Variants in ERN1 observed in about 807,000 individuals in gnomAD.
ERN1 encodes endoplasmic reticulum to nucleus signaling 1.
Under a neutral mutation model 113.1 loss-of-function variants are expected in ERN1, and 39 were observed. The ratio of observed to expected loss-of-function variants is 0.34; its 90% CI spans 0.27 to 0.45. ERN1 has a LOEUF of 0.45. Ranked by LOEUF, ERN1 falls within the 20% of genes least tolerant of loss-of-function variation. The probability of loss-of-function intolerance (pLI) is 1.00; values close to 1 mark genes in which losing one functional copy is unlikely to be tolerated. For synonymous variants in ERN1, 507 were observed against 515.9 expected (o/e 0.98, Z 0.23); for missense variants, 976 against 1,274.8 (o/e 0.77, Z 3.57).
In ERN1 at chr17:64,075,250, T is replaced by TA. The variant is rs1567871274; in HGVS notation, c.283-4_283-3insT. ...TCTGGGATGGTAAAAGGAAGTTTCT[T>TA]TAAAAAAAAAAAAAAAGAAAAAAAA... is the stretch of plus-strand genomic sequence containing the variant. On this transcript the variant is annotated splice_polypyrimidine_tract_variant and splice_region_variant and intron_variant, in intron 4 of 21. Coordinates refer to ENST00000433197, the MANE Select transcript of ERN1 (RefSeq NM_001433.5). 23 of 1,166,952 alleles carry TA rather than the reference T, an allele frequency of 2.0e-5. No homozygotes were observed. The highest frequency in any genetic ancestry group is 3.9e-5 in the South Asian group (2 of 50,760). The allele number at this position is 1,166,952 out of a possible 1,614,324, so 72.3% of individuals were successfully genotyped here. A position where few individuals can be genotyped will look rare whatever the true frequency, so the allele number is the denominator to read the frequency against.
intron 11 of ERN1, among the ~76,000 whole-genome samples, chr17:64,058,326 T>C (rs547402917): frequency 7.2e-4 from 110 of 152,292 alleles, no homozygotes; most frequent in African/African-American, 2.5e-3. Context: ...GTAGGTTCAG[T>C]ATCCAGGAAA....
chr17:64,039,165 T>C lies in ERN1; in HGVS notation c.*4823A>G, dbSNP rs577224100. 8.5e-5 allele frequency: 13 copies of C among 152,310 alleles called. No homozygotes were observed. Among genetic ancestry groups the C allele is most frequent in the African/African-American group, 2.9e-4 (12 of 41,568 alleles). 9.4% of individuals were successfully genotyped at this position (152,310 alleles called of 1,614,324 possible). A position where few individuals can be genotyped will look rare whatever the true frequency, so the allele number is the denominator to read the frequency against. On this transcript the variant is annotated 3_prime_UTR_variant, in exon 22 of 22. Transcript: ENST00000433197. ...ACTCCAAAATCTAAAACTACCTTTA[T>C]TGTGGTTGGCTCGACATAAGATGCC...
chr17:64,062,801 T>G (rs1913095369), intron 10 of ERN1, among the ~76,000 whole-genome samples: 1 of 152,198 alleles, frequency 6.6e-6, no homozygotes, highest in South Asian at 2.1e-4. Context: ...CAACTACTTC[T>G]GTTAATAAAA....
In ERN1 at chr17:64,063,328, C is replaced by T. The variant is rs992971270; in HGVS notation, c.1087+658G>A. Among the ~76,000 whole-genome samples the T allele has an allele frequency of 2.0e-5, 3 of 152,238 alleles. No individual in the cohort carries two copies. The highest frequency in any genetic ancestry group is 6.5e-5 in the Admixed American group (1 of 15,290). ...ACACAGCTCTTCTCACTTCCGCCTT[C>T]GTTTGTCACACTCACTGCCAACTCA... On this transcript the variant is annotated intron_variant, in intron 10 of 21. Transcript: ENST00000433197. This position sits in a 1 kb window ranked among gnomAD's most constrained non-coding sequence, Gnocchi z 5.1.
chr17:64,112,932 C>T (rs1418179747), intron 1 of ERN1, among the ~76,000 whole-genome samples: 2 of 152,192 alleles, frequency 1.3e-5, no homozygotes, highest in East Asian at 3.8e-4. Context: ...CTGGAGATCA[C>T]AAACTTGGGT....
At chr17:64,059,242 A>G (rs1912975520) in intron 11 of ERN1, among the ~76,000 whole-genome samples, 1 of 152,228 alleles carries the variant, frequency 6.6e-6, no homozygotes, top group African/African-American at 2.4e-5. Context: ...TGGTAAACAG[A>G]TACTGTGCCC....
At chr17:64,089,736 T>C (rs1007792242) in intron 2 of ERN1, among the ~76,000 whole-genome samples, 3 of 151,538 alleles carry the variant, frequency 2.0e-5, no homozygotes, top group African/African-American at 7.3e-5. Flanking sequence ...GGGAAAAGAG[T>C]GTCAGCAAAA....
chr17:64,052,102 A>C (rs1002512631), intron 17 of ERN1, among the ~76,000 whole-genome samples: 3 of 152,246 alleles, frequency 2.0e-5, no homozygotes, highest in African/African-American at 7.2e-5. Context: ...GCTGTGGCTC[A>C]TGTCTGCAAT....
At chr17:64,094,601 C>T (rs531215318) in intron 2 of ERN1, among the ~76,000 whole-genome samples, 10 of 151,746 alleles carry the variant, frequency 6.6e-5, no homozygotes, top group Admixed American at 6.6e-4. Context: ...CCTCCTCTAC[C>T]GTGCCAGGGA....
chr17:64,071,616 T>C (rs80165002), intron 6 of ERN1, among the ~76,000 whole-genome samples: 6,472 of 152,180 alleles, frequency 0.043, 447 homozygotes, highest in African/African-American at 0.15. Context: ...CAGATGGGGT[T>C]TCGCCATGTT....
intron 1 of ERN1, among the ~76,000 whole-genome samples, chr17:64,121,189 C>T (rs1385450289): frequency 6.6e-6 from 1 of 152,170 alleles, no homozygotes; most frequent in East Asian, 1.9e-4. Context: ...CTGTCTCTCT[C>T]CTGTCATCAC....
At chr17:64,127,757 CAAAAA>C (rs775462648) in intron 1 of ERN1, among the ~76,000 whole-genome samples, 7 of 88,002 alleles carry the variant, frequency 8.0e-5, no homozygotes, top group Non-Finnish European at 1.3e-4. Context: ...AACTCCATAT[CAAAAA>C]AAAAAAAAAA....
At chr17:64,119,376 G>GTTGTTTTTTGTTT (rs777806993) in intron 1 of ERN1, among the ~76,000 whole-genome samples, 1 of 77,896 alleles carries the variant, frequency 1.3e-5, no homozygotes, top group African/African-American at 5.6e-5. Flanking sequence ...TTTTTTCTAG[G>GTTGTTTTTTGTTT]TTTTTTTTTT....
In ERN1 at chr17:64,060,563, G is replaced by A. The variant is rs376936066; in HGVS notation, c.1112C>T (p.Ala371Val). Residue 371 changes from alanine to valine, a missense_variant, in exon 11 of 22, where the codon GCG becomes GTG. Physicochemically the swap from Ala to Val is moderately conservative, Grantham distance 64 (BLOSUM62 0). Coordinates refer to ENST00000433197, the MANE Select transcript of ERN1 (RefSeq NM_001433.5). Reference protein sequence around the residue: ...LIGHHETPLSASTKMLERFPN... With the variant: ...LIGHHETPLSVSTKMLERFPN... ...AAATCTCTCCAGCATCTTGGTAGAC[G>A]CAGACAGTGGGGTTTCATGGTGTCC... The A allele has an allele frequency of 1.9e-5, 30 of 1,613,138 alleles. No homozygotes were observed. The highest frequency in any genetic ancestry group is 3.3e-5 in the South Asian group (3 of 91,078).
At chr17:64,057,215 T>C (rs1912898455) in intron 12 of ERN1, among the ~76,000 whole-genome samples, 2 of 152,218 alleles carry the variant, frequency 1.3e-5, no homozygotes. Flanking sequence ...AAAATACAGA[T>C]AACTATTCAA....
chr17:64,049,039 C>T lies in ERN1; in HGVS notation c.2401+16G>A. 1.9e-6 allele frequency: 3 copies of T among 1,570,956 alleles called. No individual in the cohort carries two copies. Among genetic ancestry groups the T allele is most frequent in the Non-Finnish European group, 2.6e-6 (3 of 1,150,562 alleles). On this transcript the variant is annotated intron_variant, in intron 18 of 21. Transcript: ENST00000433197. The surrounding 1 kb of genome is among the most constrained non-coding windows in gnomAD (Gnocchi z 4.7). ...GCTGAGGAGCTGCTCCCAACCCCAA[C>T]CCCTGGACCGCTCACCGTGCTTCTC...
chr17:64,083,857 A>C (rs553713876), intron 2 of ERN1, among the ~76,000 whole-genome samples: 5 of 152,194 alleles, frequency 3.3e-5, no homozygotes, highest in Non-Finnish European at 7.3e-5. Context: ...CACTTCTTTA[A>C]GCTCAAATAA....
Position 64,063,987 on chromosome 17 carries a change from T to C in ERN1, c.1086A>G (p.Ile362Met). ...LNYLRNYWLL[I>M]GHHETPLSAS... ...CTACTGTGGGAGACCTGCTCTTACC[T>C]ATCAGAAGCCAGTAATTCCTCAAGT... The change falls in exon 10 of 22, where the codon ATA becomes ATG. Residue 362 changes from isoleucine (I) to methionine (M), a missense_variant and splice_region_variant. By Grantham distance (10) the Ile-to-Met change is conservative. Coordinates refer to ENST00000433197, the MANE Select transcript of ERN1 (RefSeq NM_001433.5). This position sits in a 1 kb window ranked among gnomAD's most constrained non-coding sequence, Gnocchi z 5.1. 1.2e-6 allele frequency: 2 copies of C among 1,613,784 alleles called. No individual in the cohort carries two copies. The highest frequency in any genetic ancestry group is 1.7e-6 in the Non-Finnish European group (2 of 1,179,790).
rs776930056 is a variant in ERN1 at position 64,045,389 on chromosome 17, G to C, written c.2623C>G (p.Arg875Gly). The C allele has an allele frequency of 6.2e-7, 1 of 1,613,632 alleles. No individual in the cohort carries two copies. Among genetic ancestry groups the C allele is most frequent in the Non-Finnish European group, 8.5e-7 (1 of 1,179,850 alleles). ...GGRAVVKMDW[R>G]ENITVPLQTD... ...TGGAGGGGGACAGTGATGTTCTCCC[G>C]CCAGTCCATCTTCACCACGGCTCTC... The change falls in exon 20 of 22, where the codon CGG becomes GGG. Residue 875 changes from arginine (R) to glycine (G), a missense_variant. Transcript: ENST00000433197.
Sources: gnomAD v4.1 joint callset for allele counts (sites outside exome capture counted in the v4.1 genomes callset) on GRCh38, gnomAD v4.1.1 for gene constraint, Gnocchi (gnomAD v3.1) non-coding constraint, MANE v1.5 for transcripts, NCBI Gene and HGNC (gene_info 2026-07-23, HGNC 2026-07-21) for gene names.